SMIM10L2B: variants seen among roughly 807,000 people sequenced by gnomAD.
SMIM10L2B encodes the protein small integral membrane protein 10 like 2B.
For missense variants in SMIM10L2B, 40 were observed against 58.7 expected, an observed-to-expected ratio of 0.68 and a Z score of 1.04; for synonymous variants, 28 against 30.0, an observed-to-expected ratio of 0.93 and a Z score of 0.22.
intron 1 of SMIM10L2B, 35 bp downstream of exon 1, chrX:135,097,998 C>A (rs1355867110): frequency 8.6e-6 from 1 of 116,940 alleles, no homozygotes; most frequent in Non-Finnish European, 1.8e-5. Flanking sequence ...GGCAGAGCCA[C>A]AGCCCCTCCC....
chrX:135,098,559 G>C lies in SMIM10L2B; in HGVS notation c.75C>G (p.Arg25=). Residue 25 remains arginine (R), a synonymous_variant, in exon 1 of 2, where the codon CGC becomes CGG. Coordinates refer to ENST00000433425, the MANE Select transcript of SMIM10L2B (RefSeq NM_001348255.2). ...ALSGLAVRLS[R]SAAARGSYGA... Reference sequence around the variant, plus strand: ...CGTATGAGCCTCGGGCCGCCGCCGAGCGCGACAGCCGAACCGCCAAGCCAG... The same window carrying C: ...CGTATGAGCCTCGGGCCGCCGCCGACCGCGACAGCCGAACCGCCAAGCCAG... 1.1e-6 allele frequency: 1 copy of C among 875,654 alleles called. No homozygotes were observed. Among genetic ancestry groups the C allele is most frequent in the Non-Finnish European group, 1.5e-6 (1 of 656,777 alleles). 72.2% of individuals were successfully genotyped at this position (875,654 alleles called of 1,213,427 possible).
At chrX:135,097,630 C>G (rs782557884) in intron 1 of SMIM10L2B, among the ~76,000 whole-genome samples, 1 of 111,957 alleles carries the variant, frequency 8.9e-6, no homozygotes, top group Admixed American at 9.3e-5. Context: ...AGAGAACAGA[C>G]GTAGGGCTCG....
intron 1 of SMIM10L2B, among the ~76,000 whole-genome samples, chrX:135,097,473 C>G (rs1416232486): frequency 3.6e-5 from 4 of 111,722 alleles, no homozygotes; most frequent in Middle Eastern, 9.3e-3. Flanking sequence ...GCAAAGCTTG[C>G]AGGGTGCCCT....
At position 135,098,376 on chromosome X, in the gene SMIM10L2B, G is replaced by GGCC. The variant is rs1275120904; in HGVS notation, c.*18_*20dup. 19 of 491,124 alleles carry GGCC rather than the reference G, an allele frequency of 3.9e-5. No individual in the cohort carries two copies. Among genetic ancestry groups the GGCC allele is most frequent in the East Asian group, 9.5e-5 (2 of 20,997 alleles). 40.5% of individuals were successfully genotyped at this position (491,124 alleles called of 1,213,427 possible). A position where few individuals can be genotyped will look rare whatever the true frequency, so the allele number is the denominator to read the frequency against. ...GTCGCCCCTCCAGCCGGGCCTCCGCGGCCGCCGCCGCCGCCGGCGCTCACT... is the reference window on the plus strand; with the variant it reads ...GTCGCCCCTCCAGCCGGGCCTCCGCGGCCGCCGCCGCCGCCGCCGGCGCTCACT... On this transcript the variant is annotated 3_prime_UTR_variant, in exon 1 of 2. Transcript: ENST00000433425.
intron 1 of SMIM10L2B, among the ~76,000 whole-genome samples, chrX:135,097,410 G>T (rs1365611390): frequency 8.9e-6 from 1 of 112,259 alleles, no homozygotes; most frequent in African/African-American, 3.2e-5. Context: ...GCAAGACTGT[G>T]GGGGGAGGGG....
Position 135,096,318 on chromosome X carries a change from T to C in SMIM10L2B, c.*1168A>G. The C allele has an allele frequency of 9.1e-6, 1 of 110,394 alleles. No individual in the cohort carries two copies. The highest frequency in any genetic ancestry group is 3.3e-5 in the African/African-American group (1 of 30,268). The allele number at this position is 110,394 out of a possible 1,213,427, so 9.1% of individuals were successfully genotyped here. On this transcript the variant is annotated 3_prime_UTR_variant, in exon 2 of 2. Coordinates refer to ENST00000433425, the MANE Select transcript of SMIM10L2B (RefSeq NM_001348255.2). ...GCTTGAGGAGAGAGAATTGGGGTCA[T>C]GCCATGGGTCTCAGCCCCAGCCCAC...
Position 135,095,044 on chromosome X carries a change from A to AG in SMIM10L2B, c.*2441dup, listed in dbSNP as rs1423072895. 9.0e-6 allele frequency: 1 copy of AG among 111,169 alleles called. No individual in the cohort carries two copies. The highest frequency in any genetic ancestry group is 3.3e-5 in the African/African-American group (1 of 30,464). 9.2% of individuals were successfully genotyped at this position (111,169 alleles called of 1,213,427 possible). ...TTTTTTTTTAAACTTAGAGAAAACA[A>AG]GAAGACGTGACAACACCAGAAACAA... On this transcript the variant is annotated 3_prime_UTR_variant, in exon 2 of 2. Coordinates refer to ENST00000433425, the MANE Select transcript of SMIM10L2B (RefSeq NM_001348255.2).
In SMIM10L2B at chrX:135,095,322, G is replaced by C. The variant is rs1357547353; in HGVS notation, c.*2164C>G. 4 of 111,716 alleles carry C rather than the reference G, an allele frequency of 3.6e-5. No homozygotes were observed. Among genetic ancestry groups the C allele is most frequent in the African/African-American group, 1.3e-4 (4 of 30,637 alleles). The allele number at this position is 111,716 out of a possible 1,213,427, so 9.2% of individuals were successfully genotyped here. On this transcript the variant is annotated 3_prime_UTR_variant, in exon 2 of 2. Coordinates refer to ENST00000433425, the MANE Select transcript of SMIM10L2B (RefSeq NM_001348255.2). ...TGAAAAGGCAGGGACAGGAGCAAAT[G>C]CTGAGGGCTTAGCCCTGCTCCTCCC...
At position 135,098,117 on chromosome X, in the gene SMIM10L2B, A is replaced by C; in HGVS notation, c.*280T>G. 2 of 182,334 alleles carry C rather than the reference A, an allele frequency of 1.1e-5. No individual in the cohort carries two copies. The highest frequency in any genetic ancestry group is 3.0e-5 in the African/African-American group (1 of 33,559). The allele number at this position is 182,334 out of a possible 1,213,427, so 15.0% of individuals were successfully genotyped here. On this transcript the variant is annotated 3_prime_UTR_variant, in exon 1 of 2. Transcript: ENST00000433425. ...CCCCCTCTTTTGCCAATGTGAGGCA[A>C]CAGGTAGTCCGAGCTCAGGTAGTTT...
chrX:135,097,849 T>C (rs1413985670), intron 1 of SMIM10L2B, among the ~76,000 whole-genome samples, 184 bp downstream of exon 1: 2 of 111,930 alleles, frequency 1.8e-5, no homozygotes, highest in African/African-American at 6.5e-5. Context: ...CACCCTATCC[T>C]GCAATCATGA....
rs1444519628 is a variant in SMIM10L2B at position 135,096,636 on chromosome X, G to A, written c.*850C>T. On this transcript the variant is annotated 3_prime_UTR_variant, in exon 2 of 2. Transcript: ENST00000433425. Reference sequence around the variant, plus strand: ...AGATCCCCAGATTCCCTACCCTTGGGCCCCTCTCCCTTGGTGCCCTAGGAG... The same window carrying A: ...AGATCCCCAGATTCCCTACCCTTGGACCCCTCTCCCTTGGTGCCCTAGGAG... 1.8e-5 allele frequency: 2 copies of A among 110,971 alleles called. No homozygotes were observed. Among genetic ancestry groups the A allele is most frequent in the African/African-American group, 6.6e-5 (2 of 30,438 alleles). The allele number at this position is 110,971 out of a possible 1,213,427, so 9.1% of individuals were successfully genotyped here.
In SMIM10L2B at chrX:135,098,023, C is replaced by G. The variant is rs193185019; in HGVS notation, c.*364+10G>C. 1,113 of 121,074 alleles carry G rather than the reference C, an allele frequency of 9.2e-3. 6 individuals carry two copies. The highest frequency in any genetic ancestry group is 0.013 in the Non-Finnish European group (744 of 58,814). The allele number at this position is 121,074 out of a possible 1,213,427, so 10.0% of individuals were successfully genotyped here. A position where few individuals can be genotyped will look rare whatever the true frequency, so the allele number is the denominator to read the frequency against. ...CAGCCCCTCCCCCATTCCAACCTGT[C>G]GCCTCCTACCTTTCTGCTCGGGGCG... On this transcript the variant is annotated intron_variant, in intron 1 of 1. Transcript: ENST00000433425.
At position 135,095,977 on chromosome X, in the gene SMIM10L2B, G is replaced by C. The variant is rs1306781070; in HGVS notation, c.*1509C>G. The C allele has an allele frequency of 8.9e-6, 1 of 112,068 alleles. No individual in the cohort carries two copies. The highest frequency in any genetic ancestry group is 1.9e-5 in the Non-Finnish European group (1 of 53,197). The allele number at this position is 112,068 out of a possible 1,213,427, so 9.2% of individuals were successfully genotyped here. A position where few individuals can be genotyped will look rare whatever the true frequency, so the allele number is the denominator to read the frequency against. ...TCTTCTGGGGTGAGGCAGGCGGACA[G>C]CTTCATTCAGGACCTGGGTCCAGTG... is the stretch of plus-strand genomic sequence containing the variant. On this transcript the variant is annotated 3_prime_UTR_variant, in exon 2 of 2. Transcript: ENST00000433425.
rs1174877879 is a variant in SMIM10L2B at position 135,098,442 on chromosome X, C to T, written c.192G>A (p.Val64=). The change falls in exon 1 of 2, where the codon GTG becomes GTA. Residue 64 remains valine, a synonymous_variant. Transcript: ENST00000433425. ...GGCGGACGTTGAGCATCACCGAGGC[C>T]ACGATGTAGAAGTAGGGGAAGTTCA... ...LRMNFPYFYI[V]ASVMLNVRLQ... 7 of 883,990 alleles carry T rather than the reference C, an allele frequency of 7.9e-6. No homozygotes were observed. The highest frequency in any genetic ancestry group is 1.1e-5 in the Non-Finnish European group (7 of 655,899). 72.9% of individuals were successfully genotyped at this position (883,990 alleles called of 1,213,427 possible).
rs1556398601 is a variant in SMIM10L2B at position 135,098,695 on chromosome X, C to A, written c.-62G>T. 1 of 271,795 alleles carries A rather than the reference C, an allele frequency of 3.7e-6. No homozygotes were observed. The highest frequency in any genetic ancestry group is 5.5e-5 in the East Asian group (1 of 18,094). The allele number at this position is 271,795 out of a possible 1,213,427, so 22.4% of individuals were successfully genotyped here. On this transcript the variant is annotated 5_prime_UTR_variant, in exon 1 of 2. Coordinates refer to ENST00000433425, the MANE Select transcript of SMIM10L2B (RefSeq NM_001348255.2). ...ACCCGCAAGAGCTCGAGCCTCAGGA[C>A]GGCGGGACCCCAACACTAGCGCGCC...
Position 135,097,113 on chromosome X carries a change from C to T in SMIM10L2B, c.*373G>A, listed in dbSNP as rs1480990038. On this transcript the variant is annotated 3_prime_UTR_variant, in exon 2 of 2. Transcript: ENST00000433425. ...GAAGGGGCGGGTCACCGCCTACAAA[C>T]GTCAATGCCTGAAAGAGAAAGAAAG... 2 of 113,569 alleles carry T rather than the reference C, an allele frequency of 1.8e-5. No individual in the cohort carries two copies. Among genetic ancestry groups the T allele is most frequent in the Admixed American group, 9.2e-5 (1 of 10,875 alleles). 9.4% of individuals were successfully genotyped at this position (113,569 alleles called of 1,213,427 possible).
rs2083449872 is a variant in SMIM10L2B at position 135,097,135 on chromosome X, A to C, written c.*365-14T>G. 1 of 113,567 alleles carries C rather than the reference A, an allele frequency of 8.8e-6. No homozygotes were observed. The highest frequency in any genetic ancestry group is 1.9e-5 in the Non-Finnish European group (1 of 53,474). 9.4% of individuals were successfully genotyped at this position (113,567 alleles called of 1,213,427 possible). A position where few individuals can be genotyped will look rare whatever the true frequency, so the allele number is the denominator to read the frequency against. ...AAACGTCAATGCCTGAAAGAGAAAG[A>C]AAGAGATGGGGACCTCAGTTGCCTG... On this transcript the variant is annotated splice_polypyrimidine_tract_variant and intron_variant, in intron 1 of 1. Coordinates refer to ENST00000433425, the MANE Select transcript of SMIM10L2B (RefSeq NM_001348255.2).
chrX:135,095,256 A>G lies in SMIM10L2B; in HGVS notation c.*2230T>C, dbSNP rs1319474013. ...GAGAGAAGAGGTGGGGAGGGGAGGT[A>G]GAGAAGCAGCAGGCGGGGCTACCAC... is the stretch of plus-strand genomic sequence containing the variant. On this transcript the variant is annotated 3_prime_UTR_variant, in exon 2 of 2. Coordinates refer to ENST00000433425, the MANE Select transcript of SMIM10L2B (RefSeq NM_001348255.2). The G allele has an allele frequency of 8.9e-6, 1 of 112,012 alleles. No homozygotes were observed. Among genetic ancestry groups the G allele is most frequent in the African/African-American group, 3.3e-5 (1 of 30,681 alleles). 9.2% of individuals were successfully genotyped at this position (112,012 alleles called of 1,213,427 possible). A position where few individuals can be genotyped will look rare whatever the true frequency, so the allele number is the denominator to read the frequency against.
intron 1 of SMIM10L2B, among the ~76,000 whole-genome samples, chrX:135,097,407 TG>T (rs2083450610): frequency 8.9e-6 from 1 of 112,009 alleles, no homozygotes; most frequent in African/African-American, 3.3e-5. Context: ...AGAGCAAGAC[TG>T]TGGGGGGAGG....
Sources: gnomAD v4.1 joint callset for allele counts (sites outside exome capture counted in the v4.1 genomes callset) on GRCh38, gnomAD v4.1.1 for gene constraint, MANE v1.5 for transcripts, NCBI Gene and HGNC (gene_info 2026-07-23, HGNC 2026-07-21) for gene names.